Variants in RBPJ observed in about 807,000 individuals in gnomAD.
RBPJ encodes recombination signal binding protein for immunoglobulin kappa J region, also known as recombining binding protein suppressor of hairless.
A neutral mutation model predicts 67.8 loss-of-function variants in RBPJ; 9 were observed. The observed-to-expected ratio is 0.13, with a 90% CI of 0.08 to 0.23. The LOEUF is 0.23. Ranked by LOEUF, RBPJ falls within the 10% of genes least tolerant of loss-of-function variation. RBPJ has a pLI of 1.00. For missense variants in RBPJ, 305 were observed against 595.6 expected, an observed-to-expected ratio of 0.51 and a Z score of 5.08; for synonymous variants, 198 against 203.3, an observed-to-expected ratio of 0.97 and a Z score of 0.22.
chr4:26,267,895 A>G (rs139433005), intron 1 of RBPJ, among the ~76,000 whole-genome samples: 1 of 152,142 alleles, frequency 6.6e-6, no homozygotes, highest in African/African-American at 2.4e-5. Flanking sequence ...GGCGTGAGCC[A>G]CGGCACCCGA....
intron 7 of RBPJ, 84 bp from the exon 8 acceptor site, chr4:26,428,636 G>A (rs1735921562): frequency 8.0e-6 from 8 of 1,000,164 alleles, no homozygotes; most frequent in Non-Finnish European, 1.2e-5. Flanking sequence ...GCAGTATATA[G>A]CTTCTATGTA....
chr4:26,184,085 G>A (rs1474886286), intron 1 of RBPJ, among the ~76,000 whole-genome samples: 2 of 151,844 alleles, frequency 1.3e-5, no homozygotes, highest in Non-Finnish European at 2.9e-5. Context: ...TTGAGGCTGA[G>A]GCAGGAGAAT....
chr4:26,198,900 T>C (rs1471652465), intron 1 of RBPJ, among the ~76,000 whole-genome samples: 2 of 152,230 alleles, frequency 1.3e-5, no homozygotes, highest in African/African-American at 4.8e-5. Flanking sequence ...AAAATTATTG[T>C]TTTGTTATTG....
upstream of RBPJ, among the ~76,000 whole-genome samples, chr4:26,317,843 G>A (rs1722706963): frequency 1.3e-5 from 2 of 151,794 alleles, no homozygotes; most frequent in Non-Finnish European, 2.9e-5. Context: ...CATGTTTTAG[G>A]GCAAAAAGGG....
chr4:26,167,310 G>A (rs979138749), intron 1 of RBPJ, among the ~76,000 whole-genome samples: 11 of 152,242 alleles, frequency 7.2e-5, no homozygotes, highest in South Asian at 2.1e-4. Flanking sequence ...CTTGGGCAGT[G>A]TGGCCATTTT....
chr4:26,406,274 A>ACCT lies in RBPJ; in HGVS notation c.155+4_155+5insCCT. The ACCT allele has an allele frequency of 6.3e-7, 1 of 1,576,930 alleles. No individual in the cohort carries two copies. The highest frequency in any genetic ancestry group is 8.7e-7 in the Non-Finnish European group (1 of 1,147,990). On this transcript the variant is annotated splice_donor_region_variant and intron_variant, in intron 3 of 10. Coordinates refer to ENST00000355476, the MANE Select transcript of RBPJ (RefSeq NM_015874.6). ...AGTCATATGGAAATGAAAAAAGGTAAGATTATTTTTCTGGTGGATAGTTAA... is the reference window on the plus strand; with the variant it reads ...AGTCATATGGAAATGAAAAAAGGTAACCTGATTATTTTTCTGGTGGATAGTTAA...
At chr4:26,111,677 G>T in the RBPJ span, among the ~76,000 whole-genome samples, 1 of 152,230 alleles carries the variant, frequency 6.6e-6, no homozygotes, top group Non-Finnish European at 1.5e-5. Flanking sequence ...GGAGTGGTGG[G>T]ATCCTGAAGC....
At chr4:26,376,535 T>C (rs1369011310) in intron 1 of RBPJ, among the ~76,000 whole-genome samples, 1 of 152,226 alleles carries the variant, frequency 6.6e-6, no homozygotes, top group Admixed American at 6.5e-5. Flanking sequence ...TCATTGTCAG[T>C]GTACATTTGA....
rs1064404 is a variant in RBPJ at position 26,430,895 on chromosome 4, A to G, written c.1352A>G (p.Asn451Ser). ...GCAGCAGGAGCAATCCTTCGAGCCA[A>G]TTCAAGCCAGGTGCCCCCTAACGAA... ...CSAAGAILRANSSQVPPNESN... is the reference protein window; with the variant it reads ...CSAAGAILRASSSQVPPNESN... Residue 451 changes from asparagine (N) to serine (S), a missense_variant, in exon 11 of 11, where the codon AAT becomes AGT. Asn to Ser is a conservative substitution (Grantham distance 46). Transcript: ENST00000355476. This position sits in a 1 kb window ranked among gnomAD's most constrained non-coding sequence, Gnocchi z 4.1. The G allele has an allele frequency of 1.9e-5, 30 of 1,613,952 alleles. No individual in the cohort carries two copies. The highest frequency in any genetic ancestry group is 1.3e-4 in the East Asian group (6 of 44,884).
chr4:26,236,543 C>A (rs1401968276), intron 1 of RBPJ, among the ~76,000 whole-genome samples: 1 of 152,180 alleles, frequency 6.6e-6, no homozygotes, highest in African/African-American at 2.4e-5. Context: ...CAAATTAGTT[C>A]CTTTCCACAT....
At position 26,276,206 on chromosome 4, in the gene RBPJ, C is replaced by T. The variant is rs373985554; in HGVS notation, c.-166-86240C>T. On this transcript the variant is annotated intron_variant, in intron 1 of 4. Coordinates refer to the RBPJ transcript ENST00000512351. The stretch of plus-strand genomic sequence containing the variant: ...AGGAGAATCACTTGAACCCAGGAGG[C>T]GGAGGCTGCAGTGGGCCAAGATTGT... 1.4e-4 allele frequency among the ~76,000 whole-genome samples: 20 copies of T among 145,398 alleles called. 1 individual carries two copies. Among genetic ancestry groups the T allele is most frequent in the Middle Eastern group, 3.5e-3 (1 of 284 alleles).
At chr4:26,301,541 A>G (rs1261813046) in intron 1 of RBPJ, among the ~76,000 whole-genome samples, 2 of 151,576 alleles carry the variant, frequency 1.3e-5, no homozygotes, top group Non-Finnish European at 2.9e-5. Context: ...GCAGTGAGCC[A>G]AAATGGCGCC....
intron 1 of RBPJ, chr4:26,362,604 G>A (rs750341171): frequency 1.2e-6 from 2 of 1,613,890 alleles, no homozygotes; most frequent in African/African-American, 2.7e-5. Flanking sequence ...ACATGTTCTT[G>A]AAGTACCATG....
intron 1 of RBPJ, among the ~76,000 whole-genome samples, chr4:26,252,438 T>C (rs1472902426): frequency 6.6e-6 from 1 of 151,696 alleles, no homozygotes. Context: ...TCTACAAAAA[T>C]TTGCTGGGTG....
intron 1 of RBPJ, among the ~76,000 whole-genome samples, chr4:26,324,084 A>T (rs1286606685): frequency 1.3e-5 from 2 of 152,182 alleles, no homozygotes; most frequent in African/African-American, 4.8e-5. Flanking sequence ...TAAAATGGGA[A>T]TTATAATAAC....
intron 2 of RBPJ, among the ~76,000 whole-genome samples, chr4:26,394,743 C>G (rs535275687): frequency 6.6e-6 from 1 of 152,264 alleles, no homozygotes; most frequent in East Asian, 1.9e-4. Context: ...CTAAGTGATT[C>G]TGCTCTGCTG....
At chr4:26,113,345 A>C in the RBPJ span, 1 of 544,236 alleles carries the variant, frequency 1.8e-6, no homozygotes, top group South Asian at 1.8e-5. Context: ...ATGTGGGAAA[A>C]CCTTGTGGGA....
At chr4:26,301,854 G>A (rs1215961063) in intron 1 of RBPJ, among the ~76,000 whole-genome samples, 5 of 151,876 alleles carry the variant, frequency 3.3e-5, no homozygotes, top group Admixed American at 1.3e-4. Context: ...GTGCAGTGGC[G>A]CAACCTTGGC....
chr4:26,166,112 TATC>T (rs1716284633), intron 1 of RBPJ, among the ~76,000 whole-genome samples: 1 of 148,424 alleles, frequency 6.7e-6, no homozygotes, highest in East Asian at 2.0e-4. Flanking sequence ...TAATCCAGTC[TATC>T]ATTGTTGGAC....
Sources: gnomAD v4.1 joint callset for allele counts (sites outside exome capture counted in the v4.1 genomes callset) on GRCh38, gnomAD v4.1.1 for gene constraint, Gnocchi (gnomAD v3.1) non-coding constraint, MANE v1.5 for transcripts, NCBI Gene and HGNC (gene_info 2026-07-23, HGNC 2026-07-21) for gene names.